ADAMTS19: variants seen among roughly 807,000 people sequenced by gnomAD.
ADAMTS19 encodes ADAM metallopeptidase with thrombospondin type 1 motif 19.
A neutral mutation model predicts 153.3 loss-of-function variants in ADAMTS19; 93 were observed. The observed-to-expected ratio is 0.61, with a 90% CI of 0.51 to 0.72. ADAMTS19 has a LOEUF of 0.72. Ranked by LOEUF, ADAMTS19 falls within the 30% of genes least tolerant of loss-of-function variation. The pLI is 0.00. For synonymous variants in ADAMTS19, 600 were observed against 556.6 expected (o/e 1.08, Z -1.10); for missense variants, 1,482 against 1,552.1 (o/e 0.95, Z 0.76).
At chr5:129,626,628 C>T (rs536868181) in intron 10 of ADAMTS19, among the ~76,000 whole-genome samples, 2 of 151,892 alleles carry the variant, frequency 1.3e-5, no homozygotes, top group African/African-American at 2.4e-5. Flanking sequence ...ACCTAATAGA[C>T]GATAGATAGG....
rs148893306 is a variant in ADAMTS19, at chr5:129,725,314, A to G, written c.3313-9618A>G. Among the ~76,000 whole-genome samples, 231 of 152,206 alleles carry G rather than the reference A, an allele frequency of 1.5e-3. 2 individuals carry two copies. In the East Asian group the frequency reaches 0.035, roughly 23 times the overall value. On this transcript the variant is annotated intron_variant, in intron 21 of 22. Coordinates refer to ENST00000274487, the MANE Select transcript of ADAMTS19 (RefSeq NM_133638.6). The stretch of plus-strand genomic sequence containing the variant: ...TGTTGGCATGCTTCTGGGGTCTTCC[A>G]TTCCTTCTCCCCAGTTCTTCTTTTG...
chr5:129,465,189 C>T (rs1381655481), intron 2 of ADAMTS19, among the ~76,000 whole-genome samples: 1 of 152,028 alleles, frequency 6.6e-6, no homozygotes, highest in African/African-American at 2.4e-5. Context: ...TAAAATACAA[C>T]ACATGAAGTA....
intron 7 of ADAMTS19, among the ~76,000 whole-genome samples, chr5:129,560,846 C>A (rs561646390): frequency 1.3e-5 from 2 of 151,910 alleles, no homozygotes; most frequent in Non-Finnish European, 2.9e-5. Flanking sequence ...AAGATGTCAC[C>A]GCAAGTTTTT....
chr5:129,481,576 A>G (rs937918981), intron 2 of ADAMTS19, among the ~76,000 whole-genome samples: 10 of 152,322 alleles, frequency 6.6e-5, no homozygotes, highest in South Asian at 4.1e-4. Flanking sequence ...TAATAGTTGT[A>G]GTAACACTGT....
chr5:129,731,440 G>A, intron 21 of ADAMTS19, among the ~76,000 whole-genome samples: 1 of 152,004 alleles, frequency 6.6e-6, no homozygotes, highest in East Asian at 1.9e-4. Flanking sequence ...TGGATATAGT[G>A]GGATACTGGG....
intron 6 of ADAMTS19, among the ~76,000 whole-genome samples, chr5:129,547,795 C>G (rs1459814245): frequency 6.6e-6 from 1 of 150,736 alleles, no homozygotes; most frequent in East Asian, 1.9e-4. Flanking sequence ...CTACAGAAAC[C>G]AAAACAGCAT....
intron 11 of ADAMTS19, among the ~76,000 whole-genome samples, chr5:129,644,784 TA>T (rs1752983498): frequency 6.6e-6 from 1 of 152,190 alleles, no homozygotes; most frequent in Non-Finnish European, 1.5e-5. Context: ...AAAGAGACAT[TA>T]AATACCAATT....
At chr5:129,672,536 T>C (rs1287111228) in intron 16 of ADAMTS19, among the ~76,000 whole-genome samples, 1 of 152,076 alleles carries the variant, frequency 6.6e-6, no homozygotes, top group Non-Finnish European at 1.5e-5. Flanking sequence ...GGAGCTCTAG[T>C]AGGAGAGCCC....
chr5:129,531,604 G>A (rs537194716), intron 6 of ADAMTS19, among the ~76,000 whole-genome samples: 7 of 152,176 alleles, frequency 4.6e-5, no homozygotes, highest in Middle Eastern at 3.4e-3. Context: ...CAGCCTGGGC[G>A]ACTGAGCAAG....
chr5:129,581,119 A>G (rs940576883), intron 7 of ADAMTS19, among the ~76,000 whole-genome samples: 1 of 152,158 alleles, frequency 6.6e-6, no homozygotes. Flanking sequence ...AGAACTTGCT[A>G]TTGCTCTATT....
chr5:129,685,588 TAA>T (rs1229141803), intron 18 of ADAMTS19, among the ~76,000 whole-genome samples: 1 of 152,134 alleles, frequency 6.6e-6, no homozygotes, highest in African/African-American at 2.4e-5. Flanking sequence ...TAAAAATTAA[TAA>T]AGTGTTTGGC....
chr5:129,684,110 T>G lies in ADAMTS19; in HGVS notation c.2665-10T>G. Reference sequence around the variant, plus strand: ...GACCCATCTGCCTTGATCATTTTTGTATACTATAGGTGCTCCTGTTTCAGG... The same window carrying G: ...GACCCATCTGCCTTGATCATTTTTGGATACTATAGGTGCTCCTGTTTCAGG... On this transcript the variant is annotated splice_polypyrimidine_tract_variant and intron_variant, in intron 17 of 22. Transcript: ENST00000274487. 6.2e-7 allele frequency: 1 copy of G among 1,609,108 alleles called. No individual in the cohort carries two copies. Among genetic ancestry groups the G allele is most frequent in the Admixed American group, 1.7e-5 (1 of 59,058 alleles).
intron 14 of ADAMTS19, among the ~76,000 whole-genome samples, chr5:129,654,773 T>C (rs1479118613): frequency 6.6e-6 from 1 of 152,132 alleles, no homozygotes; most frequent in Non-Finnish European, 1.5e-5. Flanking sequence ...ACTCTAGTTC[T>C]CCATGCTTTG....
intron 16 of ADAMTS19, among the ~76,000 whole-genome samples, chr5:129,674,984 T>G (rs1448091406): frequency 6.6e-6 from 1 of 152,180 alleles, no homozygotes; most frequent in African/African-American, 2.4e-5. Context: ...ATTTTTACTT[T>G]GCCTTCATCT....
Position 129,461,223 on chromosome 5 carries a change from C to T in ADAMTS19, c.213C>T (p.Gly71=). The T allele has an allele frequency of 7.9e-7, 1 of 1,271,628 alleles. No homozygotes were observed. The highest frequency in any genetic ancestry group is 9.9e-7 in the Non-Finnish European group (1 of 1,015,108). The allele number at this position is 1,271,628 out of a possible 1,614,324, so 78.8% of individuals were successfully genotyped here. The change falls in exon 2 of 23, where the codon GGC becomes GGT. Residue 71 remains glycine, a synonymous_variant. Coordinates refer to ENST00000274487, the MANE Select transcript of ADAMTS19 (RefSeq NM_133638.6). This position sits in a 1 kb window ranked among gnomAD's most constrained non-coding sequence, Gnocchi z 4.6. ...GGSADPGWVR[G]VGGGGSARAQ... ...GCGCGGACCCGGGCTGGGTGCGCGG[C>T]GTTGGGGGCGGCGGAAGCGCCCGGG...
At position 129,461,904 on chromosome 5, in the gene ADAMTS19, G is replaced by A. The variant is rs905390949; in HGVS notation, c.747+147G>A. 8.2e-7 allele frequency: 1 copy of A among 1,218,812 alleles called. No homozygotes were observed. The highest frequency in any genetic ancestry group is 1.1e-6 in the Non-Finnish European group (1 of 941,560). 75.5% of individuals were successfully genotyped at this position (1,218,812 alleles called of 1,614,324 possible). A position where few individuals can be genotyped will look rare whatever the true frequency, so the allele number is the denominator to read the frequency against. On this transcript the variant is annotated intron_variant, in intron 2 of 22. Transcript: ENST00000274487. This position sits in a 1 kb window ranked among gnomAD's most constrained non-coding sequence, Gnocchi z 4.6. ...GACTGCACCCCCAGGTGTCTACATC[G>A]TTTGCCTCCCATGGAACATCTCCAG...
intron 2 of ADAMTS19, among the ~76,000 whole-genome samples, chr5:129,507,983 A>G (rs932035358): frequency 9.2e-5 from 14 of 152,156 alleles, no homozygotes; most frequent in African/African-American, 3.1e-4. Context: ...AAATTAAAAA[A>G]AATTCTGCTA....
chr5:129,498,995 T>C (rs538939829), intron 2 of ADAMTS19, among the ~76,000 whole-genome samples: 6 of 152,174 alleles, frequency 3.9e-5, no homozygotes, highest in South Asian at 4.1e-4. Context: ...TACTGCTGCA[T>C]GGCAGGTATT....
chr5:129,668,615 T>C (rs1561638686), intron 16 of ADAMTS19, among the ~76,000 whole-genome samples: 1 of 152,080 alleles, frequency 6.6e-6, no homozygotes, highest in Non-Finnish European at 1.5e-5. Context: ...TTCTAATGCT[T>C]CTAATTCTAA....
Sources: gnomAD v4.1 joint callset for allele counts (sites outside exome capture counted in the v4.1 genomes callset) on GRCh38, gnomAD v4.1.1 for gene constraint, Gnocchi (gnomAD v3.1) non-coding constraint, MANE v1.5 for transcripts, NCBI Gene and HGNC (gene_info 2026-07-23, HGNC 2026-07-21) for gene names.